TTLL7: variants seen among roughly 807,000 people sequenced by gnomAD.
The protein encoded by TTLL7 is tubulin polyglutamylase TTLL7.
TTLL7 carries 53 observed loss-of-function variants against 120.2 expected under a neutral mutation model. That is an observed-to-expected ratio of 0.44 (90% CI 0.35 to 0.55). The LOEUF (loss-of-function observed/expected upper bound fraction) is 0.55, where lower values mean the gene tolerates loss of function less well. TTLL7 is among the 20% of genes least tolerant of loss of function. TTLL7 has a pLI of 0.00. For synonymous variants in TTLL7, 353 were observed against 351.7 expected, an observed-to-expected ratio of 1.00 and a Z score of -0.04; for missense variants, 803 against 1,054.7, an observed-to-expected ratio of 0.76 and a Z score of 3.31.
At chr1:83,928,581 A>T (rs1659329807) in intron 10 of TTLL7, among the ~76,000 whole-genome samples, 1 of 152,082 alleles carries the variant, frequency 6.6e-6, no homozygotes, top group Non-Finnish European at 1.5e-5. Context: ...TGCCTCTCTA[A>T]ATGGAAAAGT....
At chr1:83,978,293 C>T (rs1235983463) in intron 1 of TTLL7, among the ~76,000 whole-genome samples, 1 of 152,148 alleles carries the variant, frequency 6.6e-6, no homozygotes, top group Non-Finnish European at 1.5e-5. Flanking sequence ...TGAAGCTTTT[C>T]TTTCTCAGCT....
intron 14 of TTLL7, among the ~76,000 whole-genome samples, chr1:83,914,101 T>G (rs940441150): frequency 6.6e-6 from 1 of 152,148 alleles, no homozygotes; most frequent in Admixed American, 6.6e-5. Context: ...TGCCTCAATA[T>G]AGAGCACATA....
chr1:83,935,952 C>G (rs1487367693), intron 8 of TTLL7, among the ~76,000 whole-genome samples: 1 of 152,048 alleles, frequency 6.6e-6, no homozygotes, highest in East Asian at 1.9e-4. Context: ...ACTTGAAAAG[C>G]TAGATTTATT....
intron 19 of TTLL7, among the ~76,000 whole-genome samples, chr1:83,888,589 A>G (rs759006930): frequency 7.2e-5 from 11 of 152,024 alleles, no homozygotes; most frequent in Non-Finnish European, 1.6e-4. Flanking sequence ...TTTACATTAG[A>G]TTCAAATAAT....
chr1:83,940,521 T>A (rs1356153789), intron 7 of TTLL7, among the ~76,000 whole-genome samples: 1 of 152,166 alleles, frequency 6.6e-6, no homozygotes, highest in Non-Finnish European at 1.5e-5. Flanking sequence ...TGTATTCCCT[T>A]ATCACAATGA....
intron 20 of TTLL7, among the ~76,000 whole-genome samples, chr1:83,873,074 A>T (rs1396329249): frequency 2.0e-5 from 3 of 152,208 alleles, no homozygotes; most frequent in African/African-American, 7.2e-5. Flanking sequence ...CAATTATTAT[A>T]CTCATTTTTT....
chr1:83,871,985 C>T (rs1236274658), intron 20 of TTLL7, among the ~76,000 whole-genome samples: 1 of 151,316 alleles, frequency 6.6e-6, no homozygotes, highest in Non-Finnish European at 1.5e-5. Context: ...GGGCCAAGGG[C>T]ACAATTAGCT....
Position 83,865,416 on chromosome 1 carries a change from A to G in TTLL7, c.*4546T>C, listed in dbSNP as rs1652850412. The G allele has an allele frequency of 6.6e-6, 1 of 152,018 alleles. No homozygotes were observed. Among genetic ancestry groups the G allele is most frequent in the Middle Eastern group, 3.2e-3 (1 of 316 alleles). 9.4% of individuals were successfully genotyped at this position (152,018 alleles called of 1,614,324 possible). ...TCATTACTTTTGTAAGGTAAGCCTT[A>G]TTACTAATTTAGGAACTATTGGTCC... is the stretch of plus-strand genomic sequence containing the variant. On this transcript the variant is annotated 3_prime_UTR_variant, in exon 21 of 21. Transcript: ENST00000260505.
intron 20 of TTLL7, among the ~76,000 whole-genome samples, chr1:83,882,442 T>C (rs910493732): frequency 6.6e-6 from 1 of 151,944 alleles, no homozygotes; most frequent in Non-Finnish European, 1.5e-5. Context: ...AAAAACAATA[T>C]TGCTTTTCAT....
chr1:83,872,399 T>C (rs1450896798), intron 20 of TTLL7, among the ~76,000 whole-genome samples: 1 of 152,204 alleles, frequency 6.6e-6, no homozygotes, highest in East Asian at 1.9e-4. Flanking sequence ...ATGTCAACAA[T>C]TGGTGGGGTC....
chr1:83,895,162 A>T (rs1656104446), intron 18 of TTLL7, among the ~76,000 whole-genome samples: 1 of 152,092 alleles, frequency 6.6e-6, no homozygotes, highest in African/African-American at 2.4e-5. Flanking sequence ...TTTTATTTTA[A>T]TTTCCTGTTT....
At chr1:83,932,970 A>T (rs145833798) in intron 9 of TTLL7, among the ~76,000 whole-genome samples, 5 of 152,274 alleles carry the variant, frequency 3.3e-5, no homozygotes, top group African/African-American at 1.2e-4. Context: ...CAACAGAGAT[A>T]ATTTTTACTT....
intron 18 of TTLL7, among the ~76,000 whole-genome samples, chr1:83,891,401 AG>A (rs1655448905): frequency 6.6e-6 from 1 of 152,154 alleles, no homozygotes. Context: ...AAAAATTAAA[AG>A]TCTGACAATA....
chr1:83,959,438 G>A lies in TTLL7; in HGVS notation c.-176-7051C>T, dbSNP rs890665843. ...GTAATGACTGGAGGAGAAAGCATTT[G>A]CCCAGCAGGACTCTCACTTTTTTTT... On this transcript the variant is annotated intron_variant, in intron 1 of 20. Transcript: ENST00000260505. Among the ~76,000 whole-genome samples, 4 of 152,170 alleles carry A rather than the reference G, an allele frequency of 2.6e-5. No homozygotes were observed. In the South Asian group the frequency reaches 6.2e-4, roughly 24 times the overall value.
In TTLL7 at chr1:83,883,039, G is replaced by A; in HGVS notation, c.2467C>T (p.Leu823=). 1 of 1,612,776 alleles carries A rather than the reference G, an allele frequency of 6.2e-7. No individual in the cohort carries two copies. The highest frequency in any genetic ancestry group is 8.5e-7 in the Non-Finnish European group (1 of 1,179,210). Residue 823 remains leucine (L), a synonymous_variant, in exon 20 of 21, where the codon CTG becomes TTG. Coordinates refer to ENST00000260505, the MANE Select transcript of TTLL7 (RefSeq NM_024686.6). The part of the protein sequence containing the change: ...QRLVELCKQC[L]LVVYKYATDK... ...GTTGCATATTTGTAAACCACTAGCA[G>A]GCACTGTTTACAAAGCTCCACTAGG... is the stretch of plus-strand genomic sequence containing the variant.
rs61766873 is a variant in TTLL7, at chr1:83,934,161, T to C, written c.889-395A>G. Among the ~76,000 whole-genome samples the C allele has an allele frequency of 3.8e-3, 574 of 152,336 alleles. 6 individuals are homozygous for C. Among genetic ancestry groups the C allele is most frequent in the Non-Finnish European group, 6.2e-3 (424 of 68,026 alleles). ...TATAACAAGCTGATATTTTTCTTTT[T>C]ACATTAGAGAAGGGTCCTTGTCTGA... On this transcript the variant is annotated intron_variant, in intron 8 of 20. Transcript: ENST00000260505.
At chr1:83,902,792 C>A (rs553839356) in intron 18 of TTLL7, among the ~76,000 whole-genome samples, 1 of 152,034 alleles carries the variant, frequency 6.6e-6, no homozygotes, top group South Asian at 2.1e-4. Context: ...TCTTATACAA[C>A]TACACACTCA....
intron 6 of TTLL7, among the ~76,000 whole-genome samples, chr1:83,945,577 T>C (rs1406707733): frequency 6.6e-6 from 1 of 152,154 alleles, no homozygotes; most frequent in Non-Finnish European, 1.5e-5. Context: ...AGGAAACAGA[T>C]ACAATTCAAT....
chr1:83,907,804 T>C (rs1657331639), intron 15 of TTLL7, 143 bp from the exon 16 acceptor site: 2 of 743,640 alleles, frequency 2.7e-6, no homozygotes, highest in Non-Finnish European at 4.4e-6. Flanking sequence ...ATCATGAGAA[T>C]ATGAGTTTGG....
Sources: allele counts gnomAD v4.1 joint callset (sites outside exome capture counted in the v4.1 genomes callset), GRCh38; gene constraint gnomAD v4.1.1; transcripts MANE v1.5; gene names NCBI Gene and HGNC (gene_info 2026-07-23, HGNC 2026-07-21).